Variants in PLEKHG6 observed in about 807,000 individuals in gnomAD.
PLEKHG6 encodes pleckstrin homology domain-containing family G member 6.
Under a neutral mutation model 97.5 loss-of-function variants are expected in PLEKHG6, and 91 were observed. The observed-to-expected ratio is 0.93, with a 90% confidence interval of 0.79 to 1.11. The LOEUF is 1.11. Ranked by LOEUF, PLEKHG6 falls within the 50% of genes most tolerant of loss-of-function variation. The pLI, the probability that PLEKHG6 is intolerant of heterozygous loss-of-function variation, is 0.00. For missense variants in PLEKHG6, 1,044 were observed against 1,031.0 expected, an observed-to-expected ratio of 1.01 and a Z score of -0.17; for synonymous variants, 466 against 425.5, an observed-to-expected ratio of 1.10 and a Z score of -1.17.
intron 3 of PLEKHG6, among the ~76,000 whole-genome samples, 162 bp downstream of exon 3, chr12:6,313,946 T>C (rs71584806): frequency 0.023 from 3,523 of 152,360 alleles, 127 homozygotes; most frequent in African/African-American, 0.079. Context: ...TATATCTCTC[T>C]TTGGTCCATG....
chr12:6,321,390 G>A (rs1947694807), intron 13 of PLEKHG6, among the ~76,000 whole-genome samples: 1 of 152,168 alleles, frequency 6.6e-6, no homozygotes. Context: ...CAGGAAATCA[G>A]GTAGCAGTGT....
chr12:6,315,996 T>A lies in PLEKHG6; in HGVS notation c.606+77T>A. On this transcript the variant is annotated intron_variant, in intron 6 of 15. Transcript: ENST00000684764. This position sits in a 1 kb window ranked among gnomAD's most constrained non-coding sequence, Gnocchi z 4.5. ...GGGATGAGGGTGGGCCCTCCAGCCA[T>A]CCCTGTCTGAATTCCCACTGCCCCG... The A allele has an allele frequency of 7.5e-7, 1 of 1,332,950 alleles. No individual in the cohort carries two copies. Among genetic ancestry groups the A allele is most frequent in the Non-Finnish European group, 1.0e-6 (1 of 966,568 alleles). The allele number at this position is 1,332,950 out of a possible 1,614,324, so 82.6% of individuals were successfully genotyped here.
Position 6,324,285 on chromosome 12 carries a change from G to A in PLEKHG6, c.1525-2143G>A, listed in dbSNP as rs949488317. 6.9e-3 allele frequency among the ~76,000 whole-genome samples: 219 copies of A among 31,558 alleles called. 1 individual carries two copies. The highest frequency in any genetic ancestry group is 0.01 in the Non-Finnish European group (154 of 15,346). 20.7% of individuals were successfully genotyped at this position (31,558 alleles called of 152,430 possible). A position where few individuals can be genotyped will look rare whatever the true frequency, so the allele number is the denominator to read the frequency against. On this transcript the variant is annotated intron_variant, in intron 13 of 15. Coordinates refer to ENST00000684764, the MANE Select transcript of PLEKHG6 (RefSeq NM_001384598.1). ...TACCCCGTACTCGGGGCTCCCCCTC[G>A]CCCCCCTCCCCCCCCCGCCGCCTCC... is the stretch of plus-strand genomic sequence containing the variant.
chr12:6,319,487 C>G (rs907643238), intron 13 of PLEKHG6: 10 of 1,426,798 alleles, frequency 7.0e-6, no homozygotes, highest in South Asian at 1.4e-5. Flanking sequence ...AAGGAAGGAA[C>G]GAATGAACAT....
Position 6,313,162 on chromosome 12 carries a change from C to T in PLEKHG6, c.139-467C>T, listed in dbSNP as rs567842070. The T allele has an allele frequency of 2.4e-4, 370 of 1,549,530 alleles. No homozygotes were observed. In the African/African-American group the frequency reaches 3.9e-3, roughly 16 times the overall value. On this transcript the variant is annotated intron_variant, in intron 2 of 15. Transcript: ENST00000684764. ...CCAGCTGGATGGGATGCAGGCTGCA[C>T]GCCCCTGGGGAGAAGGCTGCACATG... is the stretch of plus-strand genomic sequence containing the variant.
Position 6,327,652 on chromosome 12 carries a change from T to A in PLEKHG6, c.2069T>A (p.Leu690His). 6.4e-7 allele frequency: 1 copy of A among 1,559,648 alleles called. No homozygotes were observed. Among genetic ancestry groups the A allele is most frequent in the East Asian group, 2.4e-5 (1 of 42,306 alleles). ...GTGGAAACACTCCACAGGGCCCGGC[T>A]TCGGGGCCAGCTTCCCTCCTCCCCA... is the stretch of plus-strand genomic sequence containing the variant. ...VVVETLHRAR[L>H]RGQLPSSPTH... The change falls in exon 15 of 16, where the codon CTT becomes CAT. Residue 690 changes from leucine (L) to histidine (H), a missense_variant. Physicochemically the swap from Leu to His is moderately conservative, Grantham distance 99 (BLOSUM62 -3). Coordinates refer to ENST00000684764, the MANE Select transcript of PLEKHG6 (RefSeq NM_001384598.1).
intron 1 of PLEKHG6, among the ~76,000 whole-genome samples, chr12:6,311,811 G>A (rs1022655586): frequency 1.3e-5 from 2 of 151,612 alleles, no homozygotes; most frequent in African/African-American, 4.9e-5. Context: ...TTATATCTAG[G>A]TGCAAGGAGA....
At position 6,319,039 on chromosome 12, in the gene PLEKHG6, C is replaced by A; in HGVS notation, c.1455C>A (p.Ser485Arg). 1.2e-6 allele frequency: 2 copies of A among 1,613,966 alleles called. No individual in the cohort carries two copies. Among genetic ancestry groups the A allele is most frequent in the Non-Finnish European group, 1.7e-6 (2 of 1,179,922 alleles). ...TCACTGAATTCCAGTGTGTCTCCAGCGCCCTCCTTGTGCACTGTCCCAGTC... is the reference window on the plus strand; with the variant it reads ...TCACTGAATTCCAGTGTGTCTCCAGAGCCCTCCTTGTGCACTGTCCCAGTC... The part of the protein sequence containing the change: ...IHLTEFQCVS[S>R]ALLVHCPSPT... Residue 485 changes from serine (S) to arginine (R), a missense_variant, in exon 13 of 16, where the codon AGC (serine) becomes AGA (arginine). Physicochemically the swap from Ser to Arg is moderately radical, Grantham distance 110. Coordinates refer to ENST00000684764, the MANE Select transcript of PLEKHG6 (RefSeq NM_001384598.1).
At chr12:6,318,456 C>T (rs1947569068) in intron 11 of PLEKHG6, 36 bp downstream of exon 11, 1 of 1,567,234 alleles carries the variant, frequency 6.4e-7, no homozygotes. Flanking sequence ...GGGGATGGGG[C>T]ACGGTGGGAG....
At chr12:6,310,929 A>C (rs1159619622) in intron 1 of PLEKHG6, 81 bp downstream of exon 1, 1 of 152,556 alleles carries the variant, frequency 6.6e-6, no homozygotes, top group Non-Finnish European at 1.5e-5. Flanking sequence ...AGGGGAAGGA[A>C]GGCCTGGCCT....
Position 6,315,017 on chromosome 12 carries a change from G to A in PLEKHG6, c.307G>A (p.Ala103Thr). The A allele has an allele frequency of 6.2e-7, 1 of 1,613,662 alleles. No homozygotes were observed. Among genetic ancestry groups the A allele is most frequent in the South Asian group, 1.1e-5 (1 of 91,056 alleles). The change falls in exon 4 of 16, where the codon GCC becomes ACC. Residue 103 changes from alanine (A) to threonine (T), a missense_variant. Ala to Thr is a moderately conservative substitution (Grantham distance 58). Transcript: ENST00000684764. This position sits in a 1 kb window ranked among gnomAD's most constrained non-coding sequence, Gnocchi z 4.5. The stretch of plus-strand genomic sequence containing the variant: ...TCGGCTCCCCCAGGAACTCACCAAG[G>A]CCCATGAGCTGGAGGTGAGGCTGCA... ...HSPKLKELTK[A>T]HELEVRLHTF...
rs749659794 is a variant in PLEKHG6, at chr12:6,326,439, G to T, written c.1536G>T (p.Gln512His). Residue 512 changes from glutamine to histidine, a missense_variant, in exon 14 of 16, where the codon CAG (glutamine) becomes CAT (histidine). Transcript: ENST00000684764. ...GTGTCCTGTCCCAGGCCGCCCTACA[G>T]AAGCTGAAGGCAGAGGAGTATGTTC... ...EKTQQAQAAL[Q>H]KLKAEEYVQQ... 1.2e-6 allele frequency: 2 copies of T among 1,613,848 alleles called. No homozygotes were observed. Among genetic ancestry groups the T allele is most frequent in the Non-Finnish European group, 1.7e-6 (2 of 1,179,834 alleles).
At position 6,327,252 on chromosome 12, in the gene PLEKHG6, A is replaced by G; in HGVS notation, c.1671-2A>G. ...CATCTGACTCTTTGCCATTAACTGTAGGACTCCTGAGTTCTCGACCATTAT... is the reference window on the plus strand; with the variant it reads ...CATCTGACTCTTTGCCATTAACTGTGGGACTCCTGAGTTCTCGACCATTAT... On this transcript the variant is annotated splice_acceptor_variant, in intron 14 of 15. Transcript: ENST00000684764. LOFTEE classifies it high-confidence loss of function. The G allele has an allele frequency of 6.4e-7, 1 of 1,570,816 alleles. No homozygotes were observed. The highest frequency in any genetic ancestry group is 8.7e-7 in the Non-Finnish European group (1 of 1,152,394).
In PLEKHG6 at chr12:6,316,994, C is replaced by T. The variant is rs1462655501; in HGVS notation, c.757-309C>T. On this transcript the variant is annotated intron_variant, in intron 7 of 15. Transcript: ENST00000684764. This position sits in a 1 kb window ranked among gnomAD's most constrained non-coding sequence, Gnocchi z 4.1. ...AATGGGATCTGCAATGTCCTGACAA[C>T]GGTCCAGCTGAATTATCGATGGTGG... Among the ~76,000 whole-genome samples, 3 of 152,188 alleles carry T rather than the reference C, an allele frequency of 2.0e-5. No homozygotes were observed. The highest frequency in any genetic ancestry group is 6.5e-5 in the Admixed American group (1 of 15,282).
Position 6,315,880 on chromosome 12 carries a change from C to T in PLEKHG6, c.567C>T (p.Ala189=), listed in dbSNP as rs372892666. ...CTCCCTCCCTGCAGCTGCTAGCCGC[C>T]GGCCTGCTGAACCTGCAGCGAGTGG... The part of the protein sequence containing the change: ...KLKIMTDLLA[A]GLLNLQRVGL... The change falls in exon 6 of 16, where the codon GCC becomes GCT. Residue 189 remains alanine (A), a synonymous_variant. Transcript: ENST00000684764. This position sits in a 1 kb window ranked among gnomAD's most constrained non-coding sequence, Gnocchi z 4.5. The T allele has an allele frequency of 1.8e-5, 28 of 1,572,718 alleles. No individual in the cohort carries two copies. The East Asian group carries it at 2.1e-4, about 12-fold the overall frequency.
At chr12:6,313,862 G>A (rs763587478) in intron 3 of PLEKHG6, 78 bp downstream of exon 3, 33 of 1,370,364 alleles carry the variant, frequency 2.4e-5, no homozygotes, top group African/African-American at 2.2e-4. Flanking sequence ...AGCAAGCTCC[G>A]GGAGCTGAGA....
chr12:6,318,452 G>A, intron 11 of PLEKHG6, 32 bp downstream of exon 11: 1 of 1,569,440 alleles, frequency 6.4e-7, no homozygotes, highest in Non-Finnish European at 8.6e-7. Context: ...TGGAGGGGAT[G>A]GGGCACGGTG....
chr12:6,319,074 G>A lies in PLEKHG6; in HGVS notation c.1490G>A (p.Arg497His), dbSNP rs151334301. The A allele has an allele frequency of 5.6e-5, 90 of 1,609,000 alleles. No individual in the cohort carries two copies. Among genetic ancestry groups the A allele is most frequent in the South Asian group, 1.4e-4 (13 of 90,810 alleles). Reference sequence around the variant, plus strand: ...GTGCACTGTCCCAGTCCTACAGACCGTGCCCAGTGGCTGGAGAAGACCCAG... The same window carrying A: ...GTGCACTGTCCCAGTCCTACAGACCATGCCCAGTGGCTGGAGAAGACCCAG... ...LLVHCPSPTD[R>H]AQWLEKTQQA... The change falls in exon 13 of 16, where the codon CGT (arginine) becomes CAT (histidine). Residue 497 changes from arginine (R) to histidine (H), a missense_variant. Coordinates refer to ENST00000684764, the MANE Select transcript of PLEKHG6 (RefSeq NM_001384598.1).
chr12:6,315,950 A>T lies in PLEKHG6; in HGVS notation c.606+31A>T. On this transcript the variant is annotated intron_variant, in intron 6 of 15. Transcript: ENST00000684764. The surrounding 1 kb of genome is among the most constrained non-coding windows in gnomAD (Gnocchi z 4.5). ...TGGGTGCTCAGGAGGGGACCCTGGC[A>T]CAGCCCGACCTCTGAGCCTGGGGAT... 2 of 1,551,316 alleles carry T rather than the reference A, an allele frequency of 1.3e-6. No individual in the cohort carries two copies. Among genetic ancestry groups the T allele is most frequent in the Non-Finnish European group, 1.7e-6 (2 of 1,142,908 alleles).
Sources: gnomAD v4.1 joint callset for allele counts (sites outside exome capture counted in the v4.1 genomes callset) on GRCh38, gnomAD v4.1.1 for gene constraint, Gnocchi (gnomAD v3.1) non-coding constraint, MANE v1.5 for transcripts, NCBI Gene and HGNC (gene_info 2026-07-23, HGNC 2026-07-21) for gene names.